SPOCK1: variants seen among roughly 807,000 people sequenced by gnomAD.
SPOCK1 encodes SPARC (osteonectin), cwcv and kazal like domains proteoglycan 1.
In SPOCK1, 23 loss-of-function variants were observed where a neutral mutation model predicts 55.3. The observed-to-expected ratio is 0.42, with a 90% CI of 0.30 to 0.59. The LOEUF (loss-of-function observed/expected upper bound fraction) is 0.59, where lower values mean the gene tolerates loss of function less well. Ranked by LOEUF, SPOCK1 falls within the 20% of genes least tolerant of loss-of-function variation. The pLI is 0.22. For missense variants in SPOCK1, 499 were observed against 552.5 expected, an observed-to-expected ratio of 0.90 and a Z score of 0.97; for synonymous variants, 226 against 221.0, an observed-to-expected ratio of 1.02 and a Z score of -0.20.
chr5:137,235,383 G>C (rs1470592716), intron 3 of SPOCK1, among the ~76,000 whole-genome samples: 1 of 152,178 alleles, frequency 6.6e-6, no homozygotes, highest in Non-Finnish European at 1.5e-5. Flanking sequence ...TCACTCATGA[G>C]TCATAAGTAG....
At chr5:137,177,682 C>A (rs1252940778) in intron 3 of SPOCK1, among the ~76,000 whole-genome samples, 1 of 152,112 alleles carries the variant, frequency 6.6e-6, no homozygotes, top group African/African-American at 2.4e-5. Context: ...AAGTATTCCT[C>A]CGCAAAAATG....
intron 3 of SPOCK1, among the ~76,000 whole-genome samples, chr5:137,160,632 T>C (rs528328726): frequency 3.0e-5 from 3 of 98,620 alleles, no homozygotes; most frequent in African/African-American, 8.0e-5. Context: ...TTTTATATAA[T>C]ATATAATATA....
intron 2 of SPOCK1, among the ~76,000 whole-genome samples, chr5:137,318,068 A>C (rs996696323): frequency 1.3e-5 from 2 of 152,212 alleles, no homozygotes; most frequent in Non-Finnish European, 2.9e-5. Flanking sequence ...AGACACCTGC[A>C]ACCAGTGAAG....
chr5:137,172,853 C>T (rs1754779637), intron 3 of SPOCK1, among the ~76,000 whole-genome samples: 1 of 152,134 alleles, frequency 6.6e-6, no homozygotes, highest in Non-Finnish European at 1.5e-5. Context: ...AGGGTCCCTG[C>T]CTCCTGGAAC....
chr5:137,417,985 T>A (rs1449676754), intron 2 of SPOCK1, among the ~76,000 whole-genome samples: 1 of 152,082 alleles, frequency 6.6e-6, no homozygotes, highest in African/African-American at 2.4e-5. Flanking sequence ...CCCTGGTGTG[T>A]GATGTTCCCC....
intron 2 of SPOCK1, among the ~76,000 whole-genome samples, chr5:137,343,399 C>T (rs576242031): frequency 6.6e-6 from 1 of 152,326 alleles, no homozygotes; most frequent in African/African-American, 2.4e-5. Context: ...ACAGTGATGC[C>T]ACTTTCAGTG....
At position 136,978,809 on chromosome 5, in the gene SPOCK1, C is replaced by T; in HGVS notation, c.1165G>A (p.Gly389Ser). 2 of 1,612,866 alleles carry T rather than the reference C, an allele frequency of 1.2e-6. No individual in the cohort carries two copies. The highest frequency in any genetic ancestry group is 1.7e-6 in the Non-Finnish European group (2 of 1,179,562). ...EQETSGDFGSGGSVVLLDDLE... is the reference protein window; with the variant it reads ...EQETSGDFGSSGSVVLLDDLE... ...TCATCCAGCAGGACCACGGACCCAC[C>T]ACTGCCAAAATCCCCTGAGGTTTCC... is the stretch of plus-strand genomic sequence containing the variant. Residue 389 changes from glycine (G) to serine (S), a missense_variant, in exon 11 of 11, where the codon GGT (glycine) becomes AGT (serine). Around this residue, in one of 3 missense-constraint regions of SPOCK1, gnomAD observed 83 missense variants for 87.5 expected, o/e 0.95. Transcript: ENST00000394945.
chr5:137,163,420 C>G (rs1754595034), intron 3 of SPOCK1, among the ~76,000 whole-genome samples: 1 of 152,102 alleles, frequency 6.6e-6, no homozygotes, highest in Non-Finnish European at 1.5e-5. Context: ...TACCTTTATA[C>G]AAGATATTTT....
chr5:137,023,847 A>G (rs903642351), intron 6 of SPOCK1, among the ~76,000 whole-genome samples: 1 of 152,170 alleles, frequency 6.6e-6, no homozygotes, highest in Admixed American at 6.6e-5. Flanking sequence ...GACATTGAGT[A>G]TCATTAGCAA....
At chr5:137,043,516 C>T (rs998618126) in intron 6 of SPOCK1, among the ~76,000 whole-genome samples, 1 of 152,066 alleles carries the variant, frequency 6.6e-6, no homozygotes, top group South Asian at 2.1e-4. Flanking sequence ...AGTAGAGAAG[C>T]CTGACAAACA....
At chr5:137,394,976 A>C (rs1580901987) in intron 2 of SPOCK1, among the ~76,000 whole-genome samples, 1 of 152,236 alleles carries the variant, frequency 6.6e-6, no homozygotes, top group African/African-American at 2.4e-5. Context: ...AACTCAGCAA[A>C]GCTGAGGTCC....
chr5:137,398,182 A>C (rs547821123), intron 2 of SPOCK1, among the ~76,000 whole-genome samples: 100 of 152,172 alleles, frequency 6.6e-4, no homozygotes, highest in Middle Eastern at 3.4e-3. Context: ...GCCATTTCTG[A>C]GCATCTGCAA....
intron 2 of SPOCK1, among the ~76,000 whole-genome samples, chr5:137,484,121 C>A (rs561700717): frequency 1.3e-5 from 2 of 152,180 alleles, no homozygotes; most frequent in African/African-American, 4.8e-5. Flanking sequence ...CCCCTCTCAA[C>A]CTCCTCCACC....
At chr5:137,235,418 A>G (rs1561479959) in intron 3 of SPOCK1, among the ~76,000 whole-genome samples, 1 of 152,244 alleles carries the variant, frequency 6.6e-6, no homozygotes, top group Non-Finnish European at 1.5e-5. Flanking sequence ...AACTGCACGC[A>G]AAACCTTAAC....
chr5:137,239,204 A>AT (rs967831301), intron 3 of SPOCK1, among the ~76,000 whole-genome samples: 6 of 152,056 alleles, frequency 3.9e-5, no homozygotes, highest in African/African-American at 1.4e-4. Flanking sequence ...CAAAGCCTCT[A>AT]TAAAAACCCT....
At chr5:137,422,472 C>T (rs1284664829) in intron 2 of SPOCK1, among the ~76,000 whole-genome samples, 1 of 152,278 alleles carries the variant, frequency 6.6e-6, no homozygotes, top group African/African-American at 2.4e-5. Flanking sequence ...TTCTTGGAGG[C>T]TTTGTTCATT....
rs114841254 is a variant in SPOCK1 at position 137,458,732 on chromosome 5, T to C, written c.186+39641A>G. On this transcript the variant is annotated intron_variant, in intron 2 of 10. Transcript: ENST00000394945. ...TAACATTCTTGGGTGTATCACATTGTCCCTTTGAGAAAACACATGTGCTCT... is the reference window on the plus strand; with the variant it reads ...TAACATTCTTGGGTGTATCACATTGCCCCTTTGAGAAAACACATGTGCTCT... 8.5e-3 allele frequency among the ~76,000 whole-genome samples: 1,294 copies of C among 152,310 alleles called. 18 individuals carry two copies. Among genetic ancestry groups the C allele is most frequent in the African/African-American group, 0.03 (1,231 of 41,562 alleles).
intron 5 of SPOCK1, among the ~76,000 whole-genome samples, chr5:137,079,901 C>T (rs1372813799): frequency 6.6e-6 from 1 of 151,666 alleles, no homozygotes; most frequent in Non-Finnish European, 1.5e-5. Flanking sequence ...CAACAACACA[C>T]CGTCCCATGC....
At chr5:137,378,840 G>C (rs1209019045) in intron 2 of SPOCK1, among the ~76,000 whole-genome samples, 2 of 152,182 alleles carry the variant, frequency 1.3e-5, no homozygotes, top group Non-Finnish European at 2.9e-5. Flanking sequence ...TGTGTCAGTA[G>C]CTAGAGAGAG....
Sources: allele counts gnomAD v4.1 joint callset (sites outside exome capture counted in the v4.1 genomes callset), GRCh38; gene constraint gnomAD v4.1.1; regional missense constraint gnomAD v4.1.1; transcripts MANE v1.5; gene names NCBI Gene and HGNC (gene_info 2026-07-23, HGNC 2026-07-21).